Variants in ANKRD30BL observed in about 807,000 individuals in gnomAD.
The protein encoded by ANKRD30BL is putative ankyrin repeat domain-containing protein 30B-like.
A neutral mutation model predicts 18.4 loss-of-function variants in ANKRD30BL; 20 were observed. That is an observed-to-expected ratio of 1.09 (90% CI 0.77 to 1.58). The LOEUF (loss-of-function observed/expected upper bound fraction) is 1.58. Among genes scored for constraint, ANKRD30BL ranks in the 40% most tolerant of loss-of-function variants. The pLI is 0.00. For synonymous variants in ANKRD30BL, 72 were observed against 100.9 expected, an observed-to-expected ratio of 0.71 and a Z score of 1.72; for missense variants, 224 against 268.6, an observed-to-expected ratio of 0.83 and a Z score of 1.16.
At chr2:132,208,325 T>A (rs962611653) in intron 1 of ANKRD30BL, among the ~76,000 whole-genome samples, 27 of 152,266 alleles carry the variant, frequency 1.8e-4, no homozygotes, top group African/African-American at 5.5e-4. Flanking sequence ...TTCCTTCCAT[T>A]TGAAAGATGT....
intron 1 of ANKRD30BL, among the ~76,000 whole-genome samples, chr2:132,231,738 G>A (rs1680022150): frequency 6.6e-6 from 1 of 152,168 alleles, no homozygotes; most frequent in African/African-American, 2.4e-5. Context: ...AGATCAAACT[G>A]CAAGGTGGCA....
At chr2:132,236,793 A>G (rs1489210815) in intron 1 of ANKRD30BL, among the ~76,000 whole-genome samples, 5 of 152,064 alleles carry the variant, frequency 3.3e-5, no homozygotes, top group Non-Finnish European at 7.4e-5. Flanking sequence ...CCAAAGGACT[A>G]TAAATCATGC....
chr2:132,221,349 G>A (rs1255566426), intron 1 of ANKRD30BL, among the ~76,000 whole-genome samples: 31 of 143,216 alleles, frequency 2.2e-4, no homozygotes, highest in South Asian at 4.4e-4. Flanking sequence ...CCGGCCAGCC[G>A]CCCAGTCCGG....
intron 1 of ANKRD30BL, among the ~76,000 whole-genome samples, chr2:132,173,004 T>C (rs961838959): frequency 2.0e-5 from 3 of 151,744 alleles, no homozygotes; most frequent in Non-Finnish European, 4.4e-5. Flanking sequence ...CCACACCTGG[T>C]CAACGGTGAC....
At chr2:132,245,092 G>A (rs76772295) in intron 1 of ANKRD30BL, among the ~76,000 whole-genome samples, 2 of 120,390 alleles carry the variant, frequency 1.7e-5, no homozygotes, top group South Asian at 2.4e-4. Flanking sequence ...CATGGGAAAC[G>A]GGAATATCTT....
chr2:132,233,925 C>T (rs1362933179), intron 1 of ANKRD30BL, among the ~76,000 whole-genome samples: 1 of 152,118 alleles, frequency 6.6e-6, no homozygotes, highest in East Asian at 1.9e-4. Flanking sequence ...AAATTGACCA[C>T]ACAGTTGGAA....
intron 1 of ANKRD30BL, among the ~76,000 whole-genome samples, chr2:132,167,319 TATTTTATTTTATTTTATTTTATTTTG>T (rs1350725091): frequency 1.2e-4 from 16 of 130,544 alleles, no homozygotes; most frequent in African/African-American, 3.7e-4. Flanking sequence ...TATTTTATTT[TATTTTATTTTATTTTATTTTATTTTG>T]AGATAGAGCC....
chr2:132,196,850 T>C (rs1016585695), intron 1 of ANKRD30BL, among the ~76,000 whole-genome samples: 3 of 151,868 alleles, frequency 2.0e-5, no homozygotes, highest in African/African-American at 7.3e-5. Flanking sequence ...ATGAAAATTA[T>C]ATAAAAAAGA....
chr2:132,221,818 T>G (rs1242210437), intron 1 of ANKRD30BL, among the ~76,000 whole-genome samples: 2 of 59,990 alleles, frequency 3.3e-5, no homozygotes, highest in Non-Finnish European at 2.9e-5. Context: ...GGGAGGGAGG[T>G]GGGGGGGTCA....
chr2:132,238,270 G>A (rs1680215376), intron 1 of ANKRD30BL, among the ~76,000 whole-genome samples: 2 of 151,846 alleles, frequency 1.3e-5, no homozygotes, highest in South Asian at 4.1e-4. Context: ...TATTAGGACA[G>A]CATTTGGATT....
At chr2:132,234,327 A>C (rs1680095320) in intron 1 of ANKRD30BL, among the ~76,000 whole-genome samples, 1 of 152,166 alleles carries the variant, frequency 6.6e-6, no homozygotes, top group African/African-American at 2.4e-5. Context: ...GGCAAGAAAT[A>C]ACTAAAATCA....
At chr2:132,183,137 C>CT (rs144303092) in intron 1 of ANKRD30BL, among the ~76,000 whole-genome samples, 8,030 of 140,170 alleles carry the variant, frequency 0.057, 719 homozygotes, top group African/African-American at 0.19. Context: ...GACAAAGTAG[C>CT]TTTTTTTTTT....
chr2:132,162,601 C>G (rs1336901601), upstream of ANKRD30BL, among the ~76,000 whole-genome samples: 4 of 152,142 alleles, frequency 2.6e-5, no homozygotes, highest in African/African-American at 7.2e-5. Context: ...CTGGGGTTCG[C>G]CTGCTGGTGG....
At chr2:132,168,933 T>C (rs912700474) in intron 1 of ANKRD30BL, among the ~76,000 whole-genome samples, 2 of 151,188 alleles carry the variant, frequency 1.3e-5, no homozygotes, top group African/African-American at 4.9e-5. Context: ...TAATTAATTA[T>C]GAAAGGGATA....
chr2:132,226,097 G>C (rs1022471010), intron 1 of ANKRD30BL, among the ~76,000 whole-genome samples: 2 of 152,042 alleles, frequency 1.3e-5, no homozygotes, highest in African/African-American at 2.4e-5. Flanking sequence ...CTTTATCATA[G>C]AGCAGTTATG....
chr2:132,153,297 C>T (rs902973707), intron 4 of ANKRD30BL, among the ~76,000 whole-genome samples: 5 of 152,124 alleles, frequency 3.3e-5, no homozygotes, highest in East Asian at 1.9e-4. Context: ...GTGGACTTTT[C>T]GAGACCCAAA....
At chr2:132,206,961 C>T (rs2104752985) in intron 1 of ANKRD30BL, among the ~76,000 whole-genome samples, 1 of 152,320 alleles carries the variant, frequency 6.6e-6, no homozygotes, top group Non-Finnish European at 1.5e-5. Context: ...TGGCCATCTC[C>T]TCCCTGCGTC....
In ANKRD30BL at chr2:132,211,241, C is replaced by T. The variant is rs899466187; in HGVS notation, n.441+46288G>A. On this transcript the variant is annotated intron_variant and non_coding_transcript_variant, in intron 1 of 4. Coordinates refer to the ANKRD30BL transcript ENST00000470729. ...GAAATACCTTCACATAAAAACTAGA[C>T]AGAAGCATTCTGAGAAACTTCTTTG... Among the ~76,000 whole-genome samples the T allele has an allele frequency of 3.0e-5, 4 of 132,716 alleles. No individual in the cohort carries two copies. The South Asian group carries it at 1.0e-3, about 33-fold the overall frequency. 87.1% of individuals were successfully genotyped at this position (132,716 alleles called of 152,430 possible).
rs190126696 is a variant in ANKRD30BL at position 132,161,810 on chromosome 2, C to G, written c.-105G>C. ...TCTTCAGTCCCTGCATCCGCCCTGA[C>G]AAGACTAGAAATCTCAGTCGGGCCA... On this transcript the variant is annotated 5_prime_UTR_variant, in exon 1 of 6. Transcript: ENST00000409867. 221 of 648,270 alleles carry G rather than the reference C, an allele frequency of 3.4e-4. 1 individual carries two copies. The African/African-American group carries it at 3.4e-3, about 10-fold the overall frequency. 40.2% of individuals were successfully genotyped at this position (648,270 alleles called of 1,614,324 possible).
Sources: gnomAD v4.1 joint callset for allele counts (sites outside exome capture counted in the v4.1 genomes callset) on GRCh38, gnomAD v4.1.1 for gene constraint, MANE v1.5 for transcripts, NCBI Gene and HGNC (gene_info 2026-07-23, HGNC 2026-07-21) for gene names.